Variants in AHCTF1 observed in about 807,000 individuals in gnomAD.
The protein encoded by AHCTF1 is AT-hook containing transcription factor 1.
A neutral mutation model predicts 248.4 loss-of-function variants in AHCTF1; 24 were observed. The ratio of observed to expected loss-of-function variants is 0.10; its 90% CI spans 0.07 to 0.14. The LOEUF (loss-of-function observed/expected upper bound fraction) is 0.14. Ranked by LOEUF, AHCTF1 falls within the 10% of genes least tolerant of loss-of-function variation. AHCTF1 has a pLI of 1.00. For missense variants in AHCTF1, 2,206 were observed against 2,636.2 expected (o/e 0.84, Z 3.57); for synonymous variants, 786 against 929.8 (o/e 0.85, Z 2.81).
chr1:246,922,239 A>G (rs748666315), intron 1 of AHCTF1, among the ~76,000 whole-genome samples: 4 of 152,174 alleles, frequency 2.6e-5, no homozygotes, highest in Non-Finnish European at 5.9e-5. Flanking sequence ...ATGTGCCCGT[A>G]GTCCCAGCTA....
chr1:246,849,963 C>T lies in AHCTF1; in HGVS notation c.6043G>A (p.Ala2015Thr), dbSNP rs1660577133. 2 of 1,613,862 alleles carry T rather than the reference C, an allele frequency of 1.2e-6. No homozygotes were observed. The highest frequency in any genetic ancestry group is 2.7e-5 in the African/African-American group (2 of 74,922). ...IRRRSTRNTP[A>T]KSENVDVGKP... ...CCAACATCAACATTTTCACTTTTAG[C>T]TGGGGTATTTCTTGTAGATCTCCTT... Residue 2015 changes from alanine (A) to threonine (T), a missense_variant, in exon 33 of 36, where the codon GCT (alanine) becomes ACT (threonine). Coordinates refer to ENST00000648844, the MANE Select transcript of AHCTF1 (RefSeq NM_001323342.2).
In AHCTF1 at chr1:246,861,022, C is replaced by T. The variant is rs188976481; in HGVS notation, c.4009G>A (p.Ala1337Thr). Residue 1337 changes from alanine (A) to threonine (T), a missense_variant, in exon 29 of 36, where the codon GCC becomes ACC. Ala to Thr is a moderately conservative substitution (Grantham distance 58, BLOSUM62 0). This residue lies in a region of AHCTF1 where 955 missense variants were observed against 1,055.6 expected (regional missense o/e 0.90). Coordinates refer to ENST00000648844, the MANE Select transcript of AHCTF1 (RefSeq NM_001323342.2). ...GTGGAAGAGCTTTTGGGCTTAGAGGCCGTGAAAACAGTCTCTTCAAGGTCT... is the reference window on the plus strand; with the variant it reads ...GTGGAAGAGCTTTTGGGCTTAGAGGTCGTGAAAACAGTCTCTTCAAGGTCT... ...PEDLEETVFT[A>T]SKPKSSSTAL... 4 of 1,613,918 alleles carry T rather than the reference C, an allele frequency of 2.5e-6. No individual in the cohort carries two copies. In the East Asian group the frequency reaches 8.9e-5, roughly 36 times the overall value.
intron 4 of AHCTF1, among the ~76,000 whole-genome samples, 173 bp downstream of exon 4, chr1:246,913,059 G>A (rs1448456939): frequency 6.6e-6 from 1 of 151,452 alleles, no homozygotes; most frequent in East Asian, 1.9e-4. Flanking sequence ...AGTATCCACT[G>A]TGCTCAGGTC....
chr1:246,907,554 C>T lies in AHCTF1; in HGVS notation c.761G>A (p.Arg254Lys), dbSNP rs954084618. The change falls in exon 5 of 36, where the codon AGA becomes AAA. Residue 254 changes from arginine to lysine, a missense_variant. Transcript: ENST00000648844. ...LALWNMKSMK[R>K]EYYIQLESGQ... ...AAGGGAAAAAAGTTATACTTACTCTCTTTTCATGCTTTTCATGTTCCAAAG... is the reference window on the plus strand; with the variant it reads ...AAGGGAAAAAAGTTATACTTACTCTTTTTTCATGCTTTTCATGTTCCAAAG... 1 of 1,612,680 alleles carries T rather than the reference C, an allele frequency of 6.2e-7. No individual in the cohort carries two copies. Among genetic ancestry groups the T allele is most frequent in the African/African-American group, 1.3e-5 (1 of 75,000 alleles).
chr1:246,910,706 G>T (rs989083382), intron 4 of AHCTF1, among the ~76,000 whole-genome samples: 1 of 152,038 alleles, frequency 6.6e-6, no homozygotes, highest in Non-Finnish European at 1.5e-5. Flanking sequence ...TTATAAAGGG[G>T]GAAAAATCAT....
In AHCTF1 at chr1:246,840,933, G is replaced by C; in HGVS notation, c.6674C>G (p.Ala2225Gly). 6.2e-7 allele frequency: 1 copy of C among 1,612,786 alleles called. No homozygotes were observed. The highest frequency in any genetic ancestry group is 2.2e-5 in the East Asian group (1 of 44,816). The change falls in exon 36 of 36, where the codon GCT becomes GGT. Residue 2225 changes from alanine to glycine, a missense_variant. Ala to Gly is a moderately conservative substitution (Grantham distance 60). Coordinates refer to ENST00000648844, the MANE Select transcript of AHCTF1 (RefSeq NM_001323342.2). Reference protein sequence around the residue: ...PIEIRLISPLASPADGVKSKP... With the variant: ...PIEIRLISPLGSPADGVKSKP... The stretch of plus-strand genomic sequence containing the variant: ...GCTCTTGACTCCGTCAGCTGGGCTA[G>C]CCAAGGGGGAAATCAGCCGAATTTC...
In AHCTF1 at chr1:246,922,764, C is replaced by T. The variant is rs535669100; in HGVS notation, c.-7-4387G>A. 5.2e-3 allele frequency among the ~76,000 whole-genome samples: 782 copies of T among 150,784 alleles called. 6 individuals carry two copies. Among genetic ancestry groups the T allele is most frequent in the Middle Eastern group, 0.052 (15 of 290 alleles). ...TTGGGAGGCCAAGGAGGGCGGATCACGAGGTCAGGAGATCGAGACCATCCT... is the reference window on the plus strand; with the variant it reads ...TTGGGAGGCCAAGGAGGGCGGATCATGAGGTCAGGAGATCGAGACCATCCT... On this transcript the variant is annotated intron_variant, in intron 1 of 35. Coordinates refer to ENST00000648844, the MANE Select transcript of AHCTF1 (RefSeq NM_001323342.2).
chr1:246,847,749 A>G (rs566714504), intron 33 of AHCTF1, among the ~76,000 whole-genome samples: 1 of 152,328 alleles, frequency 6.6e-6, no homozygotes, highest in Non-Finnish European at 1.5e-5. Flanking sequence ...AGTTAAAATT[A>G]GTAGGTACAG....
chr1:246,928,314 A>AT (rs1667098442), intron 1 of AHCTF1, among the ~76,000 whole-genome samples: 1 of 151,964 alleles, frequency 6.6e-6, no homozygotes. Flanking sequence ...AAAAAAAAAA[A>AT]AAAAAAAAAT....
At chr1:246,852,970 TA>T in intron 32 of AHCTF1, 120 bp downstream of exon 32, 1 of 688,736 alleles carries the variant, frequency 1.5e-6, no homozygotes, top group Non-Finnish European at 2.4e-6. Flanking sequence ...CATATTTTTA[TA>T]AATAAGTTTT....
At chr1:246,841,678 G>A (rs1025076789) in intron 35 of AHCTF1, among the ~76,000 whole-genome samples, 14 of 152,304 alleles carry the variant, frequency 9.2e-5, no homozygotes, top group African/African-American at 3.4e-4. Flanking sequence ...TAACTTTCCT[G>A]ACAAAGAGGT....
chr1:246,929,920 C>T (rs556359070), intron 1 of AHCTF1, among the ~76,000 whole-genome samples: 19 of 152,022 alleles, frequency 1.2e-4, no homozygotes, highest in Non-Finnish European at 2.2e-4. Flanking sequence ...GGTGTGGTGG[C>T]GTGCGCCTGT....
At chr1:246,869,588 C>T (rs764430639) in intron 24 of AHCTF1, among the ~76,000 whole-genome samples, 8 of 152,026 alleles carry the variant, frequency 5.3e-5, no homozygotes, top group Non-Finnish European at 1.2e-4. Flanking sequence ...ATTCCTAAGG[C>T]CCTTAAAAAT....
chr1:246,914,780 A>G lies in AHCTF1; in HGVS notation c.375+1362T>C, dbSNP rs528369865. On this transcript the variant is annotated intron_variant, in intron 3 of 35. Coordinates refer to ENST00000648844, the MANE Select transcript of AHCTF1 (RefSeq NM_001323342.2). ...TCTATATTCTCTCTTCCATACACCAACCATGCATTCAACTGAGCAACCAGT... is the reference window on the plus strand; with the variant it reads ...TCTATATTCTCTCTTCCATACACCAGCCATGCATTCAACTGAGCAACCAGT... 5.9e-5 allele frequency among the ~76,000 whole-genome samples: 9 copies of G among 152,148 alleles called. No homozygotes were observed. The East Asian group carries it at 1.7e-3, about 29-fold the overall frequency.
At chr1:246,870,490 T>G (rs1290373537) in intron 24 of AHCTF1, among the ~76,000 whole-genome samples, 1 of 151,986 alleles carries the variant, frequency 6.6e-6, no homozygotes, top group Admixed American at 6.6e-5. Context: ...CATGAATAAA[T>G]GAGGAATTGC....
intron 24 of AHCTF1, among the ~76,000 whole-genome samples, chr1:246,875,262 C>A (rs761580630): frequency 2.0e-5 from 3 of 151,688 alleles, no homozygotes; most frequent in Non-Finnish European, 2.9e-5. Context: ...CCCTTACATA[C>A]AATGACACAA....
rs146913959 is a variant in AHCTF1, at chr1:246,849,641, G to A, written c.6365C>T (p.Ala2122Val). 6.0e-3 allele frequency: 9,737 copies of A among 1,609,776 alleles called. 361 individuals are homozygous for A. The South Asian group carries it at 0.074, about 12-fold the overall frequency. The change falls in exon 33 of 36, where the codon GCG becomes GTG. Residue 2122 changes from alanine (A) to valine (V), a missense_variant. Coordinates refer to ENST00000648844, the MANE Select transcript of AHCTF1 (RefSeq NM_001323342.2). Reference sequence around the variant, plus strand: ...TTTTGCTTTCCTTGGAACTTCTGACGCTGGAGAAAATAAAGGCTCATTGTT... The same window carrying A: ...TTTTGCTTTCCTTGGAACTTCTGACACTGGAGAAAATAAAGGCTCATTGTT... ...EPNNEPLFSPASEVPRKAKAK... is the reference protein window; with the variant it reads ...EPNNEPLFSPVSEVPRKAKAK...
intron 33 of AHCTF1, among the ~76,000 whole-genome samples, chr1:246,844,272 T>C (rs1660089939): frequency 6.6e-6 from 1 of 152,202 alleles, no homozygotes; most frequent in Admixed American, 6.5e-5. Context: ...ATTAATCCTA[T>C]ATGTAACCTG....
chr1:246,905,730 T>C (rs990070389), intron 5 of AHCTF1, 73 bp from the exon 6 acceptor site: 42 of 1,210,278 alleles, frequency 3.5e-5, no homozygotes, highest in Non-Finnish European at 4.4e-5. Flanking sequence ...ATGTAAGAAC[T>C]TGGGTTAGGC....
Sources: gnomAD v4.1 joint callset for allele counts (sites outside exome capture counted in the v4.1 genomes callset) on GRCh38, gnomAD v4.1.1 for gene constraint, gnomAD v4.1.1 regional missense constraint, MANE v1.5 for transcripts, NCBI Gene and HGNC (gene_info 2026-07-23, HGNC 2026-07-21) for gene names.